DNMT3B: variants seen among roughly 807,000 people sequenced by gnomAD.
The protein encoded by DNMT3B is DNA methyltransferase 3 beta.
DNMT3B carries 37 observed loss-of-function variants against 120.2 expected under a neutral mutation model. That is an observed-to-expected ratio of 0.31 (90% CI 0.24 to 0.40). DNMT3B has a LOEUF of 0.40. Among genes scored for constraint, DNMT3B ranks in the 10% least tolerant of loss-of-function variants. The pLI, the probability that DNMT3B is intolerant of heterozygous loss-of-function variation, is 1.00. For missense variants in DNMT3B, 878 were observed against 1,137.3 expected (o/e 0.77, Z 3.28); for synonymous variants, 412 against 442.8 (o/e 0.93, Z 0.87).
Position 32,787,444 on chromosome 20 carries a change from A to G in DNMT3B, c.647A>G (p.Glu216Gly), listed in dbSNP as rs143402238. Reference protein sequence around the residue: ...EADSGDGDSSEYQDGKEFGIG... With the variant: ...EADSGDGDSSGYQDGKEFGIG... ...GACAGTGGAGATGGAGACAGTTCAG[A>G]GTATCAGGTATGGCCGAGAGGGGCT... The change falls in exon 6 of 23, where the codon GAG becomes GGG. Residue 216 changes from glutamate to glycine, a missense_variant. Glu to Gly is a moderately conservative substitution (Grantham distance 98). Around this residue, in one of 4 missense-constraint regions of DNMT3B, gnomAD observed 287 missense variants for 306.2 expected, o/e 0.94. Coordinates refer to ENST00000328111, the MANE Select transcript of DNMT3B (RefSeq NM_006892.4). 1.6e-5 allele frequency: 26 copies of G among 1,613,814 alleles called. No individual in the cohort carries two copies. The African/African-American group carries it at 2.7e-4, about 17-fold the overall frequency.
chr20:32,795,473 G>A lies in DNMT3B; in HGVS notation c.1191G>A (p.Lys397=). 6.2e-7 allele frequency: 1 copy of A among 1,614,188 alleles called. No individual in the cohort carries two copies. The highest frequency in any genetic ancestry group is 8.5e-7 in the Non-Finnish European group (1 of 1,180,044). Reference sequence around the variant, plus strand: ...CCTCTGACTACTGCCCCGCACCCAAGCGCCTCAAGACAAATTGCTATAACA... The same window carrying A: ...CCTCTGACTACTGCCCCGCACCCAAACGCCTCAAGACAAATTGCTATAACA... ...SATSDYCPAP[K]RLKTNCYNNG... is the part of the protein sequence containing the mutation. The change falls in exon 11 of 23, where the codon AAG becomes AAA. Residue 397 remains lysine (K), a synonymous_variant. Coordinates refer to ENST00000328111, the MANE Select transcript of DNMT3B (RefSeq NM_006892.4).
At position 32,764,367 on chromosome 20, in the gene DNMT3B, G is replaced by A. The variant is rs186142193; in HGVS notation, c.-7+1668G>A. Among the ~76,000 whole-genome samples the A allele has an allele frequency of 9.8e-3, 1,491 of 152,282 alleles. 23 individuals are homozygous for A. The highest frequency in any genetic ancestry group is 0.013 in the Non-Finnish European group (905 of 68,014). ...TTGGGCCTGGGTAAAGAGGCAGTGGGATAGTGCCTGTGTAGGGTCAGCACA... is the reference window on the plus strand; with the variant it reads ...TTGGGCCTGGGTAAAGAGGCAGTGGAATAGTGCCTGTGTAGGGTCAGCACA... On this transcript the variant is annotated intron_variant, in intron 1 of 22. Transcript: ENST00000328111.
intron 21 of DNMT3B, among the ~76,000 whole-genome samples, chr20:32,805,791 C>T (rs982848646): frequency 6.6e-6 from 1 of 151,986 alleles, no homozygotes; most frequent in Non-Finnish European, 1.5e-5. Context: ...AGCTAAGATC[C>T]ATTTTCTAAA....
At chr20:32,788,113 T>TA (rs1437603853) in intron 6 of DNMT3B, among the ~76,000 whole-genome samples, 21 of 152,340 alleles carry the variant, frequency 1.4e-4, no homozygotes, top group Admixed American at 9.8e-4. Flanking sequence ...ATTCTTCAGT[T>TA]ACTTCAGGCC....
intron 3 of DNMT3B, among the ~76,000 whole-genome samples, chr20:32,783,431 C>G (rs1239018850): frequency 6.6e-6 from 1 of 152,140 alleles, no homozygotes; most frequent in Non-Finnish European, 1.5e-5. Context: ...GTTTTGTGTT[C>G]CTTCCTTTAC....
chr20:32,795,359 C>T (rs775759507), intron 10 of DNMT3B, 50 bp from the exon 11 acceptor site: 13 of 1,612,804 alleles, frequency 8.1e-6, no homozygotes, highest in Non-Finnish European at 9.3e-6. Flanking sequence ...CCCGCATTCT[C>T]TCTGGACCCT....
At chr20:32,803,418 G>C (rs575500781) in intron 20 of DNMT3B, among the ~76,000 whole-genome samples, 1 of 150,710 alleles carries the variant, frequency 6.6e-6, no homozygotes, top group East Asian at 1.9e-4. Context: ...GAGGATTTTT[G>C]TTGGTCACCT....
At chr20:32,768,282 G>A (rs1402615819) in intron 1 of DNMT3B, among the ~76,000 whole-genome samples, 1 of 110,266 alleles carries the variant, frequency 9.1e-6, no homozygotes, top group Non-Finnish European at 1.6e-5. Flanking sequence ...CACAACCCCC[G>A]CTTCCCGGGT....
chr20:32,773,368 C>G (rs1178376719), intron 1 of DNMT3B, among the ~76,000 whole-genome samples: 1 of 152,150 alleles, frequency 6.6e-6, no homozygotes. Flanking sequence ...TACTCATGAC[C>G]TAGAGGCACT....
At chr20:32,794,342 CAAAAAA>C (rs140316951) in intron 10 of DNMT3B, among the ~76,000 whole-genome samples, 3 of 79,584 alleles carry the variant, frequency 3.8e-5, no homozygotes, top group South Asian at 4.5e-4. Context: ...GAACCTGTCT[CAAAAAA>C]AAAAAAAAAA....
At position 32,803,853 on chromosome 20, in the gene DNMT3B, G is replaced by A. The variant is rs17123659; in HGVS notation, c.2231+1383G>A. On this transcript the variant is annotated intron_variant, in intron 20 of 22. Coordinates refer to ENST00000328111, the MANE Select transcript of DNMT3B (RefSeq NM_006892.4). The stretch of plus-strand genomic sequence containing the variant: ...ATGTGGTACCGCTGAAATCACTTTG[G>A]CATGGGAAGTTACAGATGAGATGAA... Among the ~76,000 whole-genome samples the A allele has an allele frequency of 2.6e-3, 400 of 152,276 alleles. 1 individual carries two copies. The highest frequency in any genetic ancestry group is 9.3e-3 in the African/African-American group (388 of 41,562).
At chr20:32,798,386 G>A in intron 14 of DNMT3B, 74 bp from the exon 15 acceptor site, 3 of 1,592,520 alleles carry the variant, frequency 1.9e-6, no homozygotes, top group East Asian at 4.5e-5. Flanking sequence ...GCATTTCCCT[G>A]TGGAAGTGGT....
intron 12 of DNMT3B, among the ~76,000 whole-genome samples, chr20:32,796,543 C>T (rs917363907): frequency 2.0e-5 from 3 of 152,190 alleles, no homozygotes; most frequent in Non-Finnish European, 2.9e-5. Flanking sequence ...CCCTGCTCAG[C>T]GTTCTGCCTG....
chr20:32,765,009 C>G (rs951215148), intron 1 of DNMT3B, among the ~76,000 whole-genome samples: 1 of 152,192 alleles, frequency 6.6e-6, no homozygotes, highest in African/African-American at 2.4e-5. Flanking sequence ...GAAAACTTAC[C>G]TTGGGATTCC....
intron 14 of DNMT3B, 111 bp from the exon 15 acceptor site, chr20:32,798,348 TC>T: frequency 1.4e-6 from 2 of 1,398,022 alleles, no homozygotes; most frequent in Non-Finnish European, 2.0e-6. Context: ...AAGCAGCCGA[TC>T]CTAGGTAAGC....
chr20:32,802,288 T>C, intron 19 of DNMT3B, 97 bp from the exon 20 acceptor site: 1 of 1,314,304 alleles, frequency 7.6e-7, no homozygotes, highest in Non-Finnish European at 1.1e-6. Flanking sequence ...CCGTGCCTCA[T>C]CCATAGTCAG....
Position 32,765,635 on chromosome 20 carries a change from G to A in DNMT3B, c.-7+2936G>A, listed in dbSNP as rs576035676. Among the ~76,000 whole-genome samples the A allele has an allele frequency of 1.4e-4, 21 of 150,900 alleles. No individual in the cohort carries two copies. The East Asian group carries it at 3.9e-3, about 28-fold the overall frequency. ...GGGGTTTCATCATGTTGGCAAGGCC[G>A]GTCTCAAACTCCTGACCTCAAGTGA... On this transcript the variant is annotated intron_variant, in intron 1 of 22. Transcript: ENST00000328111.
At chr20:32,790,554 T>C (rs1380018806) in intron 7 of DNMT3B, among the ~76,000 whole-genome samples, 1 of 152,130 alleles carries the variant, frequency 6.6e-6, no homozygotes, top group African/African-American at 2.4e-5. Context: ...GCCACAGTGT[T>C]TTCTCCCCAG....
In DNMT3B at chr20:32,795,325, G is replaced by C. The variant is rs1010823665; in HGVS notation, c.1127-84G>C. On this transcript the variant is annotated intron_variant, in intron 10 of 22. Transcript: ENST00000328111. ...ATGCCCCAATTGCAGCTGGTACCCA[G>C]GCATAGCATGGTCTTGTCCTGGGCC... is the stretch of plus-strand genomic sequence containing the variant. The C allele has an allele frequency of 3.1e-6, 5 of 1,604,370 alleles. No individual in the cohort carries two copies. In the South Asian group the frequency reaches 4.4e-5, roughly 14 times the overall value.
Sources: allele counts gnomAD v4.1 joint callset (sites outside exome capture counted in the v4.1 genomes callset), GRCh38; gene constraint gnomAD v4.1.1; regional missense constraint gnomAD v4.1.1; transcripts MANE v1.5; gene names NCBI Gene and HGNC (gene_info 2026-07-23, HGNC 2026-07-21).